Variants in SDK1 observed in about 807,000 individuals in gnomAD.
SDK1 encodes the protein sidekick cell adhesion molecule 1, also known as protein sidekick-1.
In SDK1, 157 loss-of-function variants were observed where a neutral mutation model predicts 245.5. The ratio of observed to expected loss-of-function variants is 0.64; its 90% CI spans 0.56 to 0.73. The LOEUF is 0.73. SDK1 is among the 30% of genes least tolerant of loss of function. SDK1 has a pLI of 0.00. For synonymous variants in SDK1, 1,647 were observed against 1,278.5 expected (o/e 1.29, Z -6.15); for missense variants, 3,583 against 3,002.3 (o/e 1.19, Z -4.52).
intron 27 of SDK1, 66 bp from the exon 28 acceptor site, chr7:4,132,259 T>C (rs17134389): frequency 0.023 from 30,080 of 1,293,540 alleles, 1,780 homozygotes; most frequent in African/African-American, 0.19. Flanking sequence ...CGGAATCCTG[T>C]GTAACCTGTC....
At chr7:3,659,754 C>A (rs536408132) in intron 4 of SDK1, among the ~76,000 whole-genome samples, 1 of 152,160 alleles carries the variant, frequency 6.6e-6, no homozygotes, top group Admixed American at 6.5e-5. Flanking sequence ...GGAGAGAATA[C>A]GTAGGAAGCT....
At chr7:4,083,039 T>C (rs984706961) in intron 22 of SDK1, among the ~76,000 whole-genome samples, 1 of 152,200 alleles carries the variant, frequency 6.6e-6, no homozygotes, top group Non-Finnish European at 1.5e-5. Context: ...TTCACACTAT[T>C]CATTTTGTTG....
intron 4 of SDK1, among the ~76,000 whole-genome samples, chr7:3,816,884 T>C (rs1210594635): frequency 4.0e-5 from 6 of 151,798 alleles, no homozygotes; most frequent in Admixed American, 1.3e-4. Flanking sequence ...TTTTACAAAC[T>C]AATATTCTGC....
chr7:4,010,391 G>A (rs1015013716), intron 14 of SDK1, among the ~76,000 whole-genome samples: 4 of 152,172 alleles, frequency 2.6e-5, no homozygotes, highest in Admixed American at 6.5e-5. Context: ...GGAAAGCTGG[G>A]TGGGAAGATA....
intron 4 of SDK1, among the ~76,000 whole-genome samples, chr7:3,683,026 G>A (rs1056912228): frequency 3.3e-5 from 5 of 152,118 alleles, no homozygotes; most frequent in Non-Finnish European, 5.9e-5. Context: ...GAGCTACCAC[G>A]CGCGGCCTGG....
chr7:3,425,105 C>T lies in SDK1; in HGVS notation c.298+123221C>T, dbSNP rs559401376. Among the ~76,000 whole-genome samples, 46 of 120,988 alleles carry T rather than the reference C, an allele frequency of 3.8e-4. 1 individual carries two copies. Among genetic ancestry groups the T allele is most frequent in the East Asian group, 2.9e-3 (13 of 4,508 alleles). The allele number at this position is 120,988 out of a possible 152,430, so 79.4% of individuals were successfully genotyped here. On this transcript the variant is annotated intron_variant, in intron 1 of 44. Coordinates refer to ENST00000404826, the MANE Select transcript of SDK1 (RefSeq NM_152744.4). ...TGTTTTTTCAAACTTGAGAGTCATA[C>T]AGTTGCCAGCTTTTTTTTTTTTTTT...
intron 1 of SDK1, among the ~76,000 whole-genome samples, chr7:3,474,330 G>C (rs565266560): frequency 1.8e-4 from 27 of 151,518 alleles, no homozygotes; most frequent in African/African-American, 5.6e-4. Context: ...TCTTGACCTC[G>C]TTGTCCGCCT....
intron 4 of SDK1, among the ~76,000 whole-genome samples, chr7:3,741,207 C>T (rs1016198982): frequency 2.6e-5 from 4 of 152,192 alleles, no homozygotes; most frequent in Non-Finnish European, 4.4e-5. Flanking sequence ...ACAGTCTTTC[C>T]CTCTAACCAT....
At chr7:3,798,999 A>G (rs191270654) in intron 4 of SDK1, among the ~76,000 whole-genome samples, 2 of 152,144 alleles carry the variant, frequency 1.3e-5, no homozygotes, top group Admixed American at 6.5e-5. Flanking sequence ...TTCTACATTT[A>G]TTAATTTGAA....
rs191446019 is a variant in SDK1 at position 3,938,371 on chromosome 7, G to A, written c.848-12552G>A. ...AGAAATTAGATCCTCAGCCTGGCAC[G>A]GTGGCTCATGCCTGTAATCCCAGCA... On this transcript the variant is annotated intron_variant, in intron 5 of 44. Coordinates refer to ENST00000404826, the MANE Select transcript of SDK1 (RefSeq NM_152744.4). Among the ~76,000 whole-genome samples, 117 of 152,174 alleles carry A rather than the reference G, an allele frequency of 7.7e-4. 1 individual carries two copies. The highest frequency in any genetic ancestry group is 3.4e-3 in the Middle Eastern group (1 of 294).
chr7:3,598,625 C>G (rs1781148279), intron 1 of SDK1, among the ~76,000 whole-genome samples: 2 of 152,194 alleles, frequency 1.3e-5, no homozygotes, highest in Admixed American at 1.3e-4. Context: ...TCCCTTGTCC[C>G]CATCCCTGGC....
At chr7:4,210,542 A>T (rs888902891) in intron 38 of SDK1, among the ~76,000 whole-genome samples, 7 of 152,094 alleles carry the variant, frequency 4.6e-5, no homozygotes, top group Non-Finnish European at 7.4e-5. Context: ...GTTCCACTTG[A>T]AGCCACGCCT....
At chr7:3,842,099 A>T (rs532674639) in intron 5 of SDK1, among the ~76,000 whole-genome samples, 4 of 152,320 alleles carry the variant, frequency 2.6e-5, no homozygotes, top group African/African-American at 9.6e-5. Flanking sequence ...GGTCAGAATG[A>T]CATGTTGGTG....
At chr7:3,530,279 C>G (rs1431269283) in intron 1 of SDK1, among the ~76,000 whole-genome samples, 2 of 152,136 alleles carry the variant, frequency 1.3e-5, no homozygotes, top group Non-Finnish European at 2.9e-5. Flanking sequence ...TTAGATATTT[C>G]TGATGCAAGA....
intron 1 of SDK1, among the ~76,000 whole-genome samples, chr7:3,320,759 T>A (rs950880377): frequency 1.3e-5 from 2 of 152,178 alleles, no homozygotes; most frequent in Non-Finnish European, 2.9e-5. Flanking sequence ...ATAAGACCAG[T>A]CATATTTTGC....
At chr7:3,609,447 C>T (rs1319288943) in intron 1 of SDK1, among the ~76,000 whole-genome samples, 1 of 152,168 alleles carries the variant, frequency 6.6e-6, no homozygotes, top group African/African-American at 2.4e-5. Flanking sequence ...GTTGCCCAGG[C>T]TGGAGCGCAG....
chr7:3,548,257 T>C (rs1281707480), intron 1 of SDK1, among the ~76,000 whole-genome samples: 2 of 152,222 alleles, frequency 1.3e-5, no homozygotes, highest in African/African-American at 4.8e-5. Flanking sequence ...ATCATTGATA[T>C]AACTGATTAT....
intron 10 of SDK1, among the ~76,000 whole-genome samples, chr7:3,967,877 C>A (rs1053990156): frequency 1.3e-5 from 2 of 152,206 alleles, no homozygotes; most frequent in Non-Finnish European, 2.9e-5. Context: ...GGCTTGGGGA[C>A]CCCTGATTTA....
chr7:3,855,007 A>G (rs1212198426), intron 5 of SDK1, among the ~76,000 whole-genome samples: 1 of 152,152 alleles, frequency 6.6e-6, no homozygotes, highest in Non-Finnish European at 1.5e-5. Flanking sequence ...CAGACCCTGT[A>G]CGTCCTAATC....
Sources: gnomAD v4.1 joint callset for allele counts (sites outside exome capture counted in the v4.1 genomes callset) on GRCh38, gnomAD v4.1.1 for gene constraint, MANE v1.5 for transcripts, NCBI Gene and HGNC (gene_info 2026-07-23, HGNC 2026-07-21) for gene names.